Variants in TCF12 observed in about 807,000 individuals in gnomAD.
TCF12 encodes the protein transcription factor 12.
In TCF12, 45 loss-of-function variants were observed where a neutral mutation model predicts 86.0. That is an observed-to-expected ratio of 0.52 (90% confidence interval 0.41 to 0.67). The LOEUF is 0.67. Ranked by LOEUF, TCF12 falls within the 30% of genes least tolerant of loss-of-function variation. The probability of loss-of-function intolerance (pLI) is 0.00; values close to 1 mark genes in which losing one functional copy is unlikely to be tolerated. For synonymous variants in TCF12, 330 were observed against 299.6 expected, an observed-to-expected ratio of 1.10 and a Z score of -1.05; for missense variants, 881 against 859.9, an observed-to-expected ratio of 1.02 and a Z score of -0.31.
intron 18 of TCF12, among the ~76,000 whole-genome samples, chr15:57,269,743 C>T (rs1355860845): frequency 6.6e-6 from 1 of 152,150 alleles, no homozygotes; most frequent in African/African-American, 2.4e-5. Context: ...TCTTGTAAGG[C>T]AGGCCTAGTG....
At chr15:57,194,893 A>T (rs12906335) in intron 7 of TCF12, among the ~76,000 whole-genome samples, 58,001 of 151,858 alleles carry the variant, frequency 0.38, 13,734 homozygotes, top group Non-Finnish European at 0.53. Flanking sequence ...TATTCTATTC[A>T]CTTATATTTA....
intron 12 of TCF12, among the ~76,000 whole-genome samples, chr15:57,240,879 CAAAA>C (rs68154303): frequency 4.4e-3 from 292 of 65,700 alleles, no homozygotes; most frequent in African/African-American, 0.015. Context: ...GACCCTGTCT[CAAAA>C]AAAAAAAAAA....
intron 3 of TCF12, among the ~76,000 whole-genome samples, chr15:57,034,201 T>G (rs1800217876): frequency 1.3e-5 from 2 of 152,236 alleles, no homozygotes; most frequent in Admixed American, 6.5e-5. Flanking sequence ...CAGATTTTAC[T>G]TGAGTCACTG....
intron 8 of TCF12, among the ~76,000 whole-genome samples, chr15:57,223,654 T>TTGTTTTTTTTTTG (rs56405255): frequency 0.12 from 15,373 of 129,830 alleles, 1,188 homozygotes; most frequent in Non-Finnish European, 0.17. Context: ...TTTTTTTTTT[T>TTGTTTTTTTTTTG]TTTTTTTTTT....
chr15:56,952,991 T>A (rs1043560459), intron 3 of TCF12, among the ~76,000 whole-genome samples: 14 of 152,104 alleles, frequency 9.2e-5, no homozygotes, highest in African/African-American at 1.9e-4. Flanking sequence ...GGCTTTTTTT[T>A]ATAGTACCTT....
At chr15:57,122,379 A>G (rs2051302587) in intron 5 of TCF12, among the ~76,000 whole-genome samples, 1 of 152,194 alleles carries the variant, frequency 6.6e-6, no homozygotes, top group Non-Finnish European at 1.5e-5. Flanking sequence ...AATTCTCATT[A>G]TAATGATCAT....
chr15:57,241,789 T>A (rs2059640375), intron 12 of TCF12, among the ~76,000 whole-genome samples: 2 of 151,938 alleles, frequency 1.3e-5, no homozygotes, highest in Admixed American at 1.3e-4. Context: ...GGTCAGGAGT[T>A]CAAGACCAGC....
intron 19 of TCF12, among the ~76,000 whole-genome samples, chr15:57,274,902 G>C (rs1255614564): frequency 6.6e-6 from 1 of 151,990 alleles, no homozygotes; most frequent in Non-Finnish European, 1.5e-5. Flanking sequence ...ACCTACTTCA[G>C]ATCTAAGCCA....
At chr15:57,170,752 T>TAACA (rs1567559580) in intron 6 of TCF12, among the ~76,000 whole-genome samples, 2 of 35,504 alleles carry the variant, frequency 5.6e-5, no homozygotes, top group Middle Eastern at 8.6e-3. Context: ...ATATTATATA[T>TAACA]TATATATTAT....
rs111568617 is a variant in TCF12 at position 57,019,344 on chromosome 15, G to A, written c.149-44406G>A. On this transcript the variant is annotated intron_variant, in intron 3 of 20. Coordinates refer to ENST00000333725, the MANE Select transcript of TCF12 (RefSeq NM_207037.2). ...TCACATACTTGTAATCTCCTGATGG[G>A]CTCTTCTTACCCACTGCACAGATAA... Among the ~76,000 whole-genome samples the A allele has an allele frequency of 1.4e-4, 22 of 152,248 alleles. 4 individuals are homozygous for A. The highest frequency in any genetic ancestry group is 5.3e-4 in the African/African-American group (22 of 41,536).
intron 3 of TCF12, among the ~76,000 whole-genome samples, chr15:56,995,855 C>T (rs1440721523): frequency 6.6e-6 from 1 of 152,080 alleles, no homozygotes; most frequent in Non-Finnish European, 1.5e-5. Context: ...GAGAGGCATC[C>T]TTGTTCCAGT....
intron 16 of TCF12, among the ~76,000 whole-genome samples, chr15:57,260,529 C>T (rs1164491820): frequency 6.6e-6 from 1 of 152,068 alleles, no homozygotes; most frequent in Non-Finnish European, 1.5e-5. Flanking sequence ...TTATGTAAAA[C>T]AGAATTAGTA....
intron 6 of TCF12, among the ~76,000 whole-genome samples, chr15:57,179,378 C>T (rs1438243299): frequency 6.6e-6 from 1 of 152,020 alleles, no homozygotes; most frequent in African/African-American, 2.4e-5. Flanking sequence ...GTCCCAGCTA[C>T]TCGGGAGGCT....
chr15:57,006,057 C>T (rs2439923), intron 3 of TCF12, among the ~76,000 whole-genome samples: 3 of 152,048 alleles, frequency 2.0e-5, no homozygotes, highest in Admixed American at 1.3e-4. Context: ...CAAGGGATGT[C>T]TAATTTTTCT....
chr15:57,118,032 A>G lies in TCF12; in HGVS notation c.325+26141A>G, dbSNP rs145472660. 9.2e-5 allele frequency among the ~76,000 whole-genome samples: 14 copies of G among 152,276 alleles called. No individual in the cohort carries two copies. The East Asian group carries it at 2.5e-3, about 27-fold the overall frequency. On this transcript the variant is annotated intron_variant, in intron 5 of 20. Transcript: ENST00000333725. ...TCAGTTCTTGCATTGCAGAAAGCTT[A>G]TCTTGTATTCAGTACAATGATCAAT...
chr15:57,247,536 T>A, intron 13 of TCF12: 1 of 909,620 alleles, frequency 1.1e-6, no homozygotes, highest in Non-Finnish European at 1.8e-6. Context: ...TCAAAAGTTA[T>A]AAAAGCAAAT....
chr15:57,006,374 GGTTCACTGTA>G (rs1255706951), intron 3 of TCF12, among the ~76,000 whole-genome samples: 27 of 151,792 alleles, frequency 1.8e-4, no homozygotes, highest in Admixed American at 1.8e-3. Flanking sequence ...GTGCTATCTT[GGTTCACTGTA>G]ACCTCTGCCT....
At chr15:57,208,769 G>A (rs1726003460) in intron 8 of TCF12, among the ~76,000 whole-genome samples, 1 of 151,572 alleles carries the variant, frequency 6.6e-6, no homozygotes, top group Non-Finnish European at 1.5e-5. Context: ...GTACAGTGGT[G>A]CCATCATAGC....
chr15:57,076,681 C>T (rs1477144656), intron 4 of TCF12, among the ~76,000 whole-genome samples: 2 of 151,388 alleles, frequency 1.3e-5, no homozygotes, highest in African/African-American at 4.8e-5. Flanking sequence ...TAAACTTTTT[C>T]CCACATTTTT....
Sources: allele counts gnomAD v4.1 joint callset (sites outside exome capture counted in the v4.1 genomes callset), GRCh38; gene constraint gnomAD v4.1.1; transcripts MANE v1.5; gene names NCBI Gene and HGNC (gene_info 2026-07-23, HGNC 2026-07-21).